The following ASB5 variants were observed in gnomAD, a reference collection of about 807,000 sequenced individuals.
ASB5 encodes ankyrin repeat and SOCS box containing 5.
A neutral mutation model predicts 42.1 loss-of-function variants in ASB5; 45 were observed. The ratio of observed to expected loss-of-function variants is 1.07; its 90% CI spans 0.84 to 1.37. ASB5 has a LOEUF of 1.37. ASB5 is among the 40% of genes most tolerant of loss of function. The pLI, the probability that ASB5 is intolerant of heterozygous loss-of-function variation, is 0.00. For missense variants in ASB5, 402 were observed against 399.8 expected (o/e 1.01, Z -0.05); for synonymous variants, 147 against 150.6 (o/e 0.98, Z 0.18).
chr4:176,264,283 A>G (rs1403846669), intron 1 of ASB5, among the ~76,000 whole-genome samples: 1 of 152,220 alleles, frequency 6.6e-6, no homozygotes, highest in Non-Finnish European at 1.5e-5. Flanking sequence ...TTGCAGGCTC[A>G]GAAATCTGTC....
chr4:176,268,618 T>TA (rs1296642514), intron 1 of ASB5, among the ~76,000 whole-genome samples: 5 of 152,130 alleles, frequency 3.3e-5, no homozygotes, highest in African/African-American at 1.2e-4. Flanking sequence ...TTTAACTTTT[T>TA]AAAATGTTTC....
At chr4:176,221,698 T>A (rs1442302783) in intron 3 of ASB5, 98 bp from the exon 4 acceptor site, 1 of 1,165,154 alleles carries the variant, frequency 8.6e-7, no homozygotes, top group Non-Finnish European at 1.2e-6. Flanking sequence ...CTAACAGAAA[T>A]ACGTAGGAAA....
rs1330899573 is a variant in ASB5 at position 176,218,293 on chromosome 4, G to C, written c.671-1284C>G. On this transcript the variant is annotated intron_variant, in intron 5 of 6. Transcript: ENST00000296525. ...ATGATATATAAATATATATATATTT[G>C]TATGATATATAAATATATATATTTG... 2.3e-5 allele frequency among the ~76,000 whole-genome samples: 2 copies of C among 88,346 alleles called. 1 individual carries two copies. The highest frequency in any genetic ancestry group is 4.3e-5 in the Non-Finnish European group (2 of 46,998). 58.0% of individuals were successfully genotyped at this position (88,346 alleles called of 152,430 possible). A position where few individuals can be genotyped will look rare whatever the true frequency, so the allele number is the denominator to read the frequency against.
In ASB5 at chr4:176,214,722, C is replaced by T. The variant is rs980964748; in HGVS notation, c.*878G>A. 4.0e-5 allele frequency: 6 copies of T among 151,798 alleles called. No individual in the cohort carries two copies. Among genetic ancestry groups the T allele is most frequent in the African/African-American group, 1.2e-4 (5 of 41,318 alleles). 9.4% of individuals were successfully genotyped at this position (151,798 alleles called of 1,614,324 possible). ...ATATCCTTGGACTGATGTGATGATC[C>T]CCGGAATATGATCCAGGGCCTGTTT... On this transcript the variant is annotated 3_prime_UTR_variant, in exon 7 of 7. Transcript: ENST00000296525.
intron 1 of ASB5, among the ~76,000 whole-genome samples, chr4:176,249,256 C>T (rs948020305): frequency 6.6e-6 from 1 of 152,218 alleles, no homozygotes; most frequent in African/African-American, 2.4e-5. Flanking sequence ...CGTGAGCCAC[C>T]GCATCTGCCC....
intron 5 of ASB5, among the ~76,000 whole-genome samples, chr4:176,219,807 T>C (rs558900157): frequency 1.3e-5 from 2 of 151,408 alleles, no homozygotes; most frequent in Admixed American, 1.3e-4. Flanking sequence ...CCTCAAGTGA[T>C]CCACTTGCCT....
intron 2 of ASB5, among the ~76,000 whole-genome samples, chr4:176,224,723 C>A (rs918249946): frequency 2.0e-5 from 3 of 152,058 alleles, no homozygotes; most frequent in South Asian, 2.1e-4. Flanking sequence ...AATACCCAAG[C>A]CAAAGTGTTT....
At chr4:176,247,460 G>T (rs779776515) in intron 1 of ASB5, among the ~76,000 whole-genome samples, 3 of 152,174 alleles carry the variant, frequency 2.0e-5, no homozygotes, top group Non-Finnish European at 4.4e-5. Context: ...ACAGAAATCA[G>T]TTTAGTGTAG....
chr4:176,229,457 T>C (rs977893515), intron 1 of ASB5, among the ~76,000 whole-genome samples: 1 of 152,204 alleles, frequency 6.6e-6, no homozygotes, highest in Non-Finnish European at 1.5e-5. Context: ...TCAAAATGAT[T>C]GTATTAGTCT....
intron 1 of ASB5, among the ~76,000 whole-genome samples, chr4:176,250,605 C>T (rs142772477): frequency 6.6e-6 from 1 of 152,212 alleles, no homozygotes; most frequent in East Asian, 1.9e-4. Flanking sequence ...AGAAACAGGT[C>T]GAGAGAGGGG....
At chr4:176,272,361 G>A (rs1458745628), upstream of ASB5, among the ~76,000 whole-genome samples, 1 of 152,132 alleles carries the variant, frequency 6.6e-6, no homozygotes, top group East Asian at 1.9e-4. Flanking sequence ...TGAGGATAAA[G>A]GAAAGGATGT....
At chr4:176,258,121 A>G (rs1307682703) in intron 1 of ASB5, among the ~76,000 whole-genome samples, 9 of 152,208 alleles carry the variant, frequency 5.9e-5, no homozygotes, top group Admixed American at 3.3e-4. Context: ...GAATTTTTTA[A>G]AAAAGTATGA....
At position 176,221,176 on chromosome 4, in the gene ASB5, T is replaced by G. The variant is rs1191989338; in HGVS notation, c.649A>C (p.Ile217Leu). Residue 217 changes from isoleucine to leucine, a missense_variant, in exon 5 of 7, where the codon ATC (isoleucine) becomes CTC (leucine). Physicochemically the swap from Ile to Leu is conservative, Grantham distance 5 (BLOSUM62 2). Transcript: ENST00000296525. ...VACMSQQFHC[I>L]WKLLYAGADV... ...ATACCAGCATAAAGAAGCTTCCAGATGCAATGGAATTGCTGTGACATACAA... is the reference window on the plus strand; with the variant it reads ...ATACCAGCATAAAGAAGCTTCCAGAGGCAATGGAATTGCTGTGACATACAA... The G allele has an allele frequency of 6.2e-7, 1 of 1,613,568 alleles. No homozygotes were observed. The highest frequency in any genetic ancestry group is 8.5e-7 in the Non-Finnish European group (1 of 1,179,876).
At chr4:176,236,194 A>T (rs1473793564) in intron 1 of ASB5, among the ~76,000 whole-genome samples, 2 of 151,874 alleles carry the variant, frequency 1.3e-5, no homozygotes, top group Non-Finnish European at 2.9e-5. Flanking sequence ...TTTGCCATTG[A>T]CACAGTTCTA....
At chr4:176,237,060 CAG>C (rs1753703426) in intron 1 of ASB5, among the ~76,000 whole-genome samples, 1 of 152,082 alleles carries the variant, frequency 6.6e-6, no homozygotes, top group Admixed American at 6.6e-5. Flanking sequence ...GTAAACAAAC[CAG>C]AGTCTAAGAG....
At chr4:176,260,396 GA>G (rs1050484736) in intron 1 of ASB5, among the ~76,000 whole-genome samples, 2 of 151,962 alleles carry the variant, frequency 1.3e-5, no homozygotes, top group African/African-American at 2.4e-5. Flanking sequence ...TGAGGATTGA[GA>G]AAAAAAATCA....
At chr4:176,243,362 A>G (rs1358209922) in intron 1 of ASB5, among the ~76,000 whole-genome samples, 1 of 152,114 alleles carries the variant, frequency 6.6e-6, no homozygotes, top group Non-Finnish European at 1.5e-5. Flanking sequence ...TTTGATTAAA[A>G]TTTTTCTCCT....
intron 5 of ASB5, among the ~76,000 whole-genome samples, chr4:176,219,316 T>C (rs868636836): frequency 2.2e-5 from 2 of 91,992 alleles, no homozygotes; most frequent in African/African-American, 7.2e-5. Flanking sequence ...TATAAATATA[T>C]ATATTTGTAT....
At chr4:176,238,185 C>A (rs1054672962) in intron 1 of ASB5, among the ~76,000 whole-genome samples, 3 of 127,560 alleles carry the variant, frequency 2.4e-5, no homozygotes, top group African/African-American at 9.0e-5. Flanking sequence ...CCAGCCTGGG[C>A]GACAGAAGGA....
Sources: allele counts gnomAD v4.1 joint callset (sites outside exome capture counted in the v4.1 genomes callset), GRCh38; gene constraint gnomAD v4.1.1; transcripts MANE v1.5; gene names NCBI Gene and HGNC (gene_info 2026-07-23, HGNC 2026-07-21).